EPHA8: variants seen among roughly 807,000 people sequenced by gnomAD.
EPHA8 encodes the protein EPH receptor A8, also known as ephrin type-A receptor 8.
In EPHA8, 58 loss-of-function variants were observed where a neutral mutation model predicts 103.6. That is an observed-to-expected ratio of 0.56 (90% confidence interval 0.45 to 0.70). The LOEUF (loss-of-function observed/expected upper bound fraction) is 0.70. EPHA8 is among the 30% of genes least tolerant of loss of function. EPHA8 has a pLI of 0.00. For missense variants in EPHA8, 1,304 were observed against 1,395.2 expected, an observed-to-expected ratio of 0.93 and a Z score of 1.04; for synonymous variants, 559 against 572.5, an observed-to-expected ratio of 0.98 and a Z score of 0.34.
At chr1:22,575,008 T>C (rs978031238) in intron 2 of EPHA8, among the ~76,000 whole-genome samples, 1 of 152,174 alleles carries the variant, frequency 6.6e-6, no homozygotes, top group African/African-American at 2.4e-5. Context: ...TGGAGAACAG[T>C]AGTGCGATCT....
At position 22,576,532 on chromosome 1, in the gene EPHA8, C is replaced by A; in HGVS notation, c.475C>A (p.Leu159Ile). 1 of 1,614,188 alleles carries A rather than the reference C, an allele frequency of 6.2e-7. No individual in the cohort carries two copies. The highest frequency in any genetic ancestry group is 8.5e-7 in the Non-Finnish European group (1 of 1,180,046). ...CGACGAGAGCTTCACAGGTGCCGAC[C>A]TTGGTGTGCGGCGTCTCAAGCTCAA... ...AADESFTGAD[L>I]GVRRLKLNTE... Residue 159 changes from leucine to isoleucine, a missense_variant, in exon 3 of 17, where the codon CTT (leucine) becomes ATT (isoleucine). By Grantham distance (5) the Leu-to-Ile change is conservative (BLOSUM62 2). Transcript: ENST00000166244. This position sits in a 1 kb window ranked among gnomAD's most constrained non-coding sequence, Gnocchi z 4.8.
At chr1:22,582,459 C>T (rs1355751503) in intron 3 of EPHA8, among the ~76,000 whole-genome samples, 1 of 152,180 alleles carries the variant, frequency 6.6e-6, no homozygotes, top group Non-Finnish European at 1.5e-5. Flanking sequence ...ACAGTATAGC[C>T]TGGGATAAGG....
At chr1:22,579,922 C>G (rs911403294) in intron 3 of EPHA8, among the ~76,000 whole-genome samples, 1 of 152,130 alleles carries the variant, frequency 6.6e-6, no homozygotes, top group African/African-American at 2.4e-5. Context: ...CATCCCCCAG[C>G]AGGCAGGCAG....
chr1:22,602,943 A>C lies in EPHA8; in HGVS notation c.*1202A>C. ...TGGAAGCCCCTCCCCTCTCACACTG[A>C]CCTCCCCCCTTACGGCCCACCAGGG... On this transcript the variant is annotated 3_prime_UTR_variant, in exon 17 of 17. Coordinates refer to ENST00000166244, the MANE Select transcript of EPHA8 (RefSeq NM_020526.5). 6.6e-6 allele frequency: 1 copy of C among 150,848 alleles called. No homozygotes were observed. The allele number at this position is 150,848 out of a possible 1,614,324, so 9.3% of individuals were successfully genotyped here.
Position 22,586,746 on chromosome 1 carries a change from G to A in EPHA8, c.979+111G>A, listed in dbSNP as rs550629807. 1.5e-5 allele frequency: 21 copies of A among 1,418,324 alleles called. No individual in the cohort carries two copies. The African/African-American group carries it at 1.6e-4, about 11-fold the overall frequency. The allele number at this position is 1,418,324 out of a possible 1,614,324, so 87.9% of individuals were successfully genotyped here. A position where few individuals can be genotyped will look rare whatever the true frequency, so the allele number is the denominator to read the frequency against. On this transcript the variant is annotated intron_variant, in intron 4 of 16. Coordinates refer to ENST00000166244, the MANE Select transcript of EPHA8 (RefSeq NM_020526.5). ...AGTTCTCTGCTGGTGGGGCAGGGGC[G>A]GGTGGCTCTCTTGAGCCAGAGGCCA... is the stretch of plus-strand genomic sequence containing the variant.
Position 22,569,240 on chromosome 1 carries a change from T to G in EPHA8, c.95-49T>G. ...CTGGGTCAGGCTGCTCTTGAGGAGC[T>G]GGGGAGAAGTCAGAGGGGCCTGATG... is the stretch of plus-strand genomic sequence containing the variant. On this transcript the variant is annotated intron_variant, in intron 1 of 16. Coordinates refer to ENST00000166244, the MANE Select transcript of EPHA8 (RefSeq NM_020526.5). The surrounding 1 kb of genome is among the most constrained non-coding windows in gnomAD (Gnocchi z 4.5). 6.2e-7 allele frequency: 1 copy of G among 1,602,300 alleles called. No homozygotes were observed. The highest frequency in any genetic ancestry group is 8.5e-7 in the Non-Finnish European group (1 of 1,170,108).
Position 22,595,295 on chromosome 1 carries a change from C to A in EPHA8, c.1669C>A (p.Leu557Ile), listed in dbSNP as rs1321075335. The A allele has an allele frequency of 6.2e-7, 1 of 1,613,712 alleles. No homozygotes were observed. The highest frequency in any genetic ancestry group is 8.5e-7 in the Non-Finnish European group (1 of 1,179,820). ...GACGCTCATCACGGGCCTGGTGGTG[C>A]TTCTGCTCCTGCTCATCTGCAAGAA... ...CLTLITGLVV[L>I]LLLLICKKRH... Residue 557 changes from leucine to isoleucine, a missense_variant, in exon 8 of 17, where the codon CTT becomes ATT. Coordinates refer to ENST00000166244, the MANE Select transcript of EPHA8 (RefSeq NM_020526.5).
rs1641577347 is a variant in EPHA8, at chr1:22,598,192, T to C, written c.2158T>C (p.Ser720Pro). 6.2e-7 allele frequency: 1 copy of C among 1,613,084 alleles called. No homozygotes were observed. Among genetic ancestry groups the C allele is most frequent in the Non-Finnish European group, 8.5e-7 (1 of 1,179,908 alleles). ...MIVTEYMENG[S>P]LDTFLRTHDG... ...TGTGACTGAGTACATGGAGAACGGC[T>C]CTCTGGACACCTTCCTGAGGGTGCG... The change falls in exon 12 of 17, where the codon TCT (serine) becomes CCT (proline). Residue 720 changes from serine to proline, a missense_variant. Physicochemically the swap from Ser to Pro is moderately conservative, Grantham distance 74. Coordinates refer to ENST00000166244, the MANE Select transcript of EPHA8 (RefSeq NM_020526.5). This position sits in a 1 kb window ranked among gnomAD's most constrained non-coding sequence, Gnocchi z 5.1.
Position 22,596,132 on chromosome 1 carries a change from A to G in EPHA8, c.1724A>G (p.Gln575Arg). 3.1e-6 allele frequency: 5 copies of G among 1,613,962 alleles called. No individual in the cohort carries two copies. The highest frequency in any genetic ancestry group is 4.2e-6 in the Non-Finnish European group (5 of 1,179,974). ...KRHCGYSKAF[Q>R]DSDEEKMHYQ... ...CACTGTGGCTACAGCAAGGCCTTCC[A>G]GGACTCGGACGAGGAGAAGATGCAC... Residue 575 changes from glutamine to arginine, a missense_variant, in exon 9 of 17, where the codon CAG (glutamine) becomes CGG (arginine). Physicochemically the swap from Gln to Arg is conservative, Grantham distance 43. Coordinates refer to ENST00000166244, the MANE Select transcript of EPHA8 (RefSeq NM_020526.5).
intron 5 of EPHA8, among the ~76,000 whole-genome samples, 159 bp from the exon 6 acceptor site, chr1:22,593,167 G>A (rs1414397763): frequency 6.6e-6 from 1 of 152,194 alleles, no homozygotes; most frequent in Non-Finnish European, 1.5e-5. Context: ...CGATTTGTTG[G>A]GAGAACTGGA....
chr1:22,597,175 G>A lies in EPHA8; in HGVS notation c.1766-137G>A, dbSNP rs373969113. 112 of 653,962 alleles carry A rather than the reference G, an allele frequency of 1.7e-4. 1 individual carries two copies. Among genetic ancestry groups the A allele is most frequent in the African/African-American group, 1.1e-3 (61 of 54,456 alleles). 40.5% of individuals were successfully genotyped at this position (653,962 alleles called of 1,614,324 possible). A position where few individuals can be genotyped will look rare whatever the true frequency, so the allele number is the denominator to read the frequency against. The stretch of plus-strand genomic sequence containing the variant: ...TTCACTTGGGAAATACTTATGGGGT[G>A]CGTGTTGTTTGCTACCACATCCAGA... On this transcript the variant is annotated intron_variant, in intron 9 of 16. Coordinates refer to ENST00000166244, the MANE Select transcript of EPHA8 (RefSeq NM_020526.5). This position sits in a 1 kb window ranked among gnomAD's most constrained non-coding sequence, Gnocchi z 4.6.
Position 22,576,970 on chromosome 1 carries a change from C to T in EPHA8, c.823+90C>T, listed in dbSNP as rs1640726311. On this transcript the variant is annotated intron_variant, in intron 3 of 16. Coordinates refer to ENST00000166244, the MANE Select transcript of EPHA8 (RefSeq NM_020526.5). This position sits in a 1 kb window ranked among gnomAD's most constrained non-coding sequence, Gnocchi z 4.8. ...AGGGTGTAAGGGGGGACGTCAGAGC[C>T]CACAGGCACCTGAGTGACCCACACA... 1.4e-6 allele frequency: 2 copies of T among 1,408,742 alleles called. No homozygotes were observed. The highest frequency in any genetic ancestry group is 2.5e-5 in the East Asian group (1 of 40,582). The allele number at this position is 1,408,742 out of a possible 1,614,324, so 87.3% of individuals were successfully genotyped here.
At chr1:22,578,923 TTA>T (rs1219772782) in intron 3 of EPHA8, among the ~76,000 whole-genome samples, 27 of 143,112 alleles carry the variant, frequency 1.9e-4, no homozygotes, top group Non-Finnish European at 2.6e-4. Flanking sequence ...GCATGTGCGT[TTA>T]TGTGTGCATG....
intron 3 of EPHA8, among the ~76,000 whole-genome samples, chr1:22,579,990 A>G (rs1034106792): frequency 6.6e-6 from 1 of 152,044 alleles, no homozygotes; most frequent in African/African-American, 2.4e-5. Context: ...GCCTCAGGTG[A>G]TAACAGGTGG....
chr1:22,579,306 C>G (rs1476536821), intron 3 of EPHA8, among the ~76,000 whole-genome samples: 1 of 149,498 alleles, frequency 6.7e-6, no homozygotes, highest in Non-Finnish European at 1.5e-5. Flanking sequence ...TGCATGTGTA[C>G]ATGAGTGTAT....
chr1:22,570,175 C>T (rs965984728), intron 2 of EPHA8, among the ~76,000 whole-genome samples: 3 of 152,226 alleles, frequency 2.0e-5, no homozygotes, highest in African/African-American at 7.2e-5. Flanking sequence ...AACATTGTTA[C>T]TCACGTGTGT....
chr1:22,578,138 GTGTGTATGTGTGCGTGTGTGCA>G (rs1640813955), intron 3 of EPHA8, among the ~76,000 whole-genome samples: 1 of 105,396 alleles, frequency 9.5e-6, no homozygotes, highest in Non-Finnish European at 2.0e-5. Flanking sequence ...ATGTGTGCAT[GTGTGTATGTGTGCGTGTGTGCA>G]TGAGTGTATG....
Position 22,597,954 on chromosome 1 carries a change from C to A in EPHA8, c.2116+93C>A. 1 of 1,507,248 alleles carries A rather than the reference C, an allele frequency of 6.6e-7. No individual in the cohort carries two copies. Among genetic ancestry groups the A allele is most frequent in the Non-Finnish European group, 9.1e-7 (1 of 1,104,400 alleles). 93.4% of individuals were successfully genotyped at this position (1,507,248 alleles called of 1,614,324 possible). ...TCCCCTCATCCATCCTGCTCTGCCC[C>A]ACCTGACCCTGTCCTCTTGGTTCAG... On this transcript the variant is annotated intron_variant, in intron 11 of 16. Coordinates refer to ENST00000166244, the MANE Select transcript of EPHA8 (RefSeq NM_020526.5). The surrounding 1 kb of genome is among the most constrained non-coding windows in gnomAD (Gnocchi z 4.6).
Position 22,588,955 on chromosome 1 carries a change from G to C in EPHA8, c.1064G>C (p.Gly355Ala), listed in dbSNP as rs1009368131. ...GAGTGGGCCCCTCCCCTGGACCCAG[G>C]TGGCCGCAGTGACATCACCTACAAT... ...TLEWAPPLDPGGRSDITYNAV... is the reference protein window; with the variant it reads ...TLEWAPPLDPAGRSDITYNAV... The change falls in exon 5 of 17, where the codon GGT (glycine) becomes GCT (alanine). Residue 355 changes from glycine (G) to alanine (A), a missense_variant. By Grantham distance (60) the Gly-to-Ala change is moderately conservative (BLOSUM62 0). Coordinates refer to ENST00000166244, the MANE Select transcript of EPHA8 (RefSeq NM_020526.5). The C allele has an allele frequency of 1.2e-6, 2 of 1,612,958 alleles. No homozygotes were observed. Among genetic ancestry groups the C allele is most frequent in the Non-Finnish European group, 1.7e-6 (2 of 1,179,962 alleles).
Sources: gnomAD v4.1 joint callset for allele counts (sites outside exome capture counted in the v4.1 genomes callset) on GRCh38, gnomAD v4.1.1 for gene constraint, Gnocchi (gnomAD v3.1) non-coding constraint, MANE v1.5 for transcripts, NCBI Gene and HGNC (gene_info 2026-07-23, HGNC 2026-07-21) for gene names.